STPG2: variants seen among roughly 807,000 people sequenced by gnomAD.
The protein encoded by STPG2 is sperm tail PG-rich repeat containing 2.
A neutral mutation model predicts 54.2 loss-of-function variants in STPG2; 56 were observed. The ratio of observed to expected loss-of-function variants is 1.03; its 90% CI spans 0.83 to 1.29. The LOEUF (loss-of-function observed/expected upper bound fraction) is 1.29. Among genes scored for constraint, STPG2 ranks in the 50% most tolerant of loss-of-function variants. The pLI is 0.00. For synonymous variants in STPG2, 200 were observed against 181.8 expected (o/e 1.10, Z -0.81); for missense variants, 596 against 544.9 (o/e 1.09, Z -0.93).
chr4:97,481,540 A>G (rs1310440406), intron 4 of STPG2, among the ~76,000 whole-genome samples: 1 of 151,502 alleles, frequency 6.6e-6, no homozygotes, highest in Non-Finnish European at 1.5e-5. Flanking sequence ...AATGTTTTGT[A>G]TTTTGCAGCA....
At chr4:97,463,746 G>A (rs1305634103) in intron 4 of STPG2, among the ~76,000 whole-genome samples, 7 of 152,112 alleles carry the variant, frequency 4.6e-5, no homozygotes, top group South Asian at 4.1e-4. Flanking sequence ...CACTATACTC[G>A]GCCTCTCCTA....
At chr4:97,848,039 G>C (rs1422133978) in intron 8 of STPG2, among the ~76,000 whole-genome samples, 1 of 152,016 alleles carries the variant, frequency 6.6e-6, no homozygotes, top group Non-Finnish European at 1.5e-5. Context: ...ATAAACTGTT[G>C]TACTAAAAAT....
intron 7 of STPG2, among the ~76,000 whole-genome samples, chr4:97,956,757 A>G (rs1051887669): frequency 6.6e-6 from 1 of 152,188 alleles, no homozygotes; most frequent in Non-Finnish European, 1.5e-5. Context: ...CCACACCCCT[A>G]GGAAAAGGGG....
At chr4:97,660,388 C>A (rs1722344356) in intron 10 of STPG2, among the ~76,000 whole-genome samples, 1 of 152,204 alleles carries the variant, frequency 6.6e-6, no homozygotes, top group Non-Finnish European at 1.5e-5. Flanking sequence ...TAAGATACCC[C>A]TCTTGCCTTG....
intron 10 of STPG2, among the ~76,000 whole-genome samples, chr4:97,592,592 A>G (rs927998251): frequency 6.6e-5 from 10 of 152,144 alleles, no homozygotes; most frequent in Non-Finnish European, 1.5e-4. Flanking sequence ...AGAGACCTGA[A>G]CATCAGGAAG....
chr4:97,797,649 C>G (rs1487770661), intron 9 of STPG2, among the ~76,000 whole-genome samples: 1 of 152,062 alleles, frequency 6.6e-6, no homozygotes, highest in African/African-American at 2.4e-5. Context: ...CTAAAATTCT[C>G]TTTTTTTGTT....
intron 8 of STPG2, among the ~76,000 whole-genome samples, chr4:97,918,070 T>A (rs1298754316): frequency 2.6e-5 from 4 of 151,208 alleles, no homozygotes; most frequent in Non-Finnish European, 4.4e-5. Flanking sequence ...ATAAGGAAGA[T>A]AAAAAAAAAC....
intron 4 of STPG2, among the ~76,000 whole-genome samples, chr4:97,510,887 G>C (rs756627409): frequency 6.6e-5 from 10 of 152,156 alleles, no homozygotes; most frequent in Non-Finnish European, 1.5e-5. Context: ...AGGATAGCTT[G>C]AGCCCAGGAG....
intron 10 of STPG2, among the ~76,000 whole-genome samples, chr4:97,565,883 G>T (rs1174982379): frequency 6.6e-6 from 1 of 152,098 alleles, no homozygotes; most frequent in African/African-American, 2.4e-5. Flanking sequence ...AGAGGTCAGG[G>T]ATCAGGGACC....
chr4:97,633,694 T>C (rs1000584095), intron 10 of STPG2: 26 of 152,716 alleles, frequency 1.7e-4, no homozygotes, highest in Non-Finnish European at 1.5e-4. Context: ...GCGCAAGGGG[T>C]CAGGGAGTTC....
chr4:97,922,962 CTT>C (rs1391909345), intron 8 of STPG2, among the ~76,000 whole-genome samples: 3 of 152,186 alleles, frequency 2.0e-5, no homozygotes, highest in Non-Finnish European at 4.4e-5. Flanking sequence ...CTTTTCCCCT[CTT>C]TTCTCTACAA....
At chr4:97,755,219 T>G (rs1578536726) in intron 9 of STPG2, among the ~76,000 whole-genome samples, 2 of 152,180 alleles carry the variant, frequency 1.3e-5, no homozygotes, top group South Asian at 2.1e-4. Flanking sequence ...TTTCAAAATC[T>G]AGCAGATAAT....
intron 5 of STPG2, among the ~76,000 whole-genome samples, chr4:98,063,928 C>A (rs1368588728): frequency 6.6e-6 from 1 of 151,804 alleles, no homozygotes; most frequent in Non-Finnish European, 1.5e-5. Context: ...ACATGGGTAA[C>A]AGAGTGAGAC....
At chr4:97,867,738 AC>A (rs1729844833) in intron 8 of STPG2, among the ~76,000 whole-genome samples, 1 of 151,980 alleles carries the variant, frequency 6.6e-6, no homozygotes, top group South Asian at 2.1e-4. Context: ...TCTGTTTTCT[AC>A]TCTGCCAACC....
intron 5 of STPG2, among the ~76,000 whole-genome samples, chr4:98,054,655 G>T (rs1204057831): frequency 6.6e-6 from 1 of 152,032 alleles, no homozygotes; most frequent in African/African-American, 2.4e-5. Context: ...CATCCATCCA[G>T]AAAGTTTGTT....
chr4:97,534,160 A>C (rs1433015333), intron 4 of STPG2, among the ~76,000 whole-genome samples: 1 of 152,146 alleles, frequency 6.6e-6, no homozygotes, highest in Admixed American at 6.5e-5. Flanking sequence ...GCAATTAAAT[A>C]TATTGAGCAT....
intron 9 of STPG2, among the ~76,000 whole-genome samples, chr4:97,835,317 C>A (rs952615693): frequency 6.6e-6 from 1 of 152,108 alleles, no homozygotes; most frequent in Non-Finnish European, 1.5e-5. Flanking sequence ...GGAAGGAATT[C>A]TCAGTTCTAA....
intron 9 of STPG2, among the ~76,000 whole-genome samples, chr4:97,719,197 T>C (rs1724376379): frequency 6.6e-6 from 1 of 151,956 alleles, no homozygotes; most frequent in Non-Finnish European, 1.5e-5. Flanking sequence ...TTTCAAATAA[T>C]TAAGGGATTC....
At chr4:97,681,512 G>T (rs1270262814) in intron 10 of STPG2, among the ~76,000 whole-genome samples, 2 of 151,622 alleles carry the variant, frequency 1.3e-5, no homozygotes, top group Non-Finnish European at 3.0e-5. Context: ...TCGTTAATTG[G>T]CACTCTACAT....
Sources: allele counts gnomAD v4.1 joint callset (sites outside exome capture counted in the v4.1 genomes callset), GRCh38; gene constraint gnomAD v4.1.1; transcripts MANE v1.5; gene names NCBI Gene and HGNC (gene_info 2026-07-23, HGNC 2026-07-21).